The following IFT140 variants were observed in gnomAD, a reference collection of about 807,000 sequenced individuals.
The protein encoded by IFT140 is intraflagellar transport 140, also known as intraflagellar transport protein 140 homolog.
Under a neutral mutation model 164.6 loss-of-function variants are expected in IFT140, and 133 were observed. The ratio of observed to expected loss-of-function variants is 0.81; its 90% confidence interval spans 0.70 to 0.93. The LOEUF (loss-of-function observed/expected upper bound fraction) is 0.93, where lower values mean the gene tolerates loss of function less well. IFT140 is among the 40% of genes least tolerant of loss of function. The pLI, the probability that IFT140 is intolerant of heterozygous loss-of-function variation, is 0.00. For missense variants in IFT140, 2,045 were observed against 1,972.3 expected (o/e 1.04, Z -0.70); for synonymous variants, 860 against 817.3 (o/e 1.05, Z -0.89).
chr16:1,558,243 C>T (rs1388554382), intron 18 of IFT140, 109 bp from the exon 19 acceptor site: 2 of 1,051,142 alleles, frequency 1.9e-6, no homozygotes, highest in Non-Finnish European at 1.4e-6. Flanking sequence ...AATCCCTCTG[C>T]AGACAGACAG....
At chr16:1,558,379 G>T (rs1656391157) in intron 18 of IFT140, among the ~76,000 whole-genome samples, 1 of 152,198 alleles carries the variant, frequency 6.6e-6, no homozygotes, top group Non-Finnish European at 1.5e-5. Flanking sequence ...GCAGGAATTT[G>T]TTTTTTAAAC....
At position 1,587,930 on chromosome 16, in the gene IFT140, C is replaced by T. The variant is rs776981733; in HGVS notation, c.902+3G>A. 3.1e-6 allele frequency: 5 copies of T among 1,607,860 alleles called. No homozygotes were observed. The highest frequency in any genetic ancestry group is 2.5e-6 in the Non-Finnish European group (3 of 1,176,852). On this transcript the variant is annotated splice_donor_region_variant and intron_variant, in intron 8 of 30. Transcript: ENST00000426508. The stretch of plus-strand genomic sequence containing the variant: ...AAGGGGCACTGGAAAGGCAGACTCT[C>T]ACCTGAGGGCAGCCTCCCCGACGGC...
At chr16:1,583,441 G>A (rs979558417) in intron 11 of IFT140, 55 bp from the exon 12 acceptor site, 2 of 1,440,112 alleles carry the variant, frequency 1.4e-6, no homozygotes, top group Non-Finnish European at 2.0e-6. Context: ...AGGTGCAACT[G>A]TACACCCCAC....
In IFT140 at chr16:1,602,354, G is replaced by T. The variant is rs1334020580; in HGVS notation, c.369+16C>A. The stretch of plus-strand genomic sequence containing the variant: ...GGTCAAGGTCTGAAAACAGCGTCTT[G>T]CGCGTGTTGACTCACCCTGTCCCCA... On this transcript the variant is annotated intron_variant, in intron 4 of 30. Coordinates refer to ENST00000426508, the MANE Select transcript of IFT140 (RefSeq NM_014714.4). The T allele has an allele frequency of 6.2e-7, 1 of 1,608,288 alleles. No homozygotes were observed.
chr16:1,518,483 G>A, intron 29 of IFT140, 126 bp from the exon 30 acceptor site: 6 of 870,756 alleles, frequency 6.9e-6, no homozygotes, highest in Non-Finnish European at 1.0e-5. Context: ...TTTCTATGAA[G>A]TTAAATTCAT....
intron 12 of IFT140, among the ~76,000 whole-genome samples, chr16:1,581,060 G>C (rs1326918652): frequency 6.6e-6 from 1 of 152,184 alleles, no homozygotes; most frequent in Non-Finnish European, 1.5e-5. Context: ...CAGTGCGTGC[G>C]GGTCCTGGGC....
At chr16:1,605,800 T>C (rs1469644565) in intron 3 of IFT140, among the ~76,000 whole-genome samples, 1 of 151,990 alleles carries the variant, frequency 6.6e-6, no homozygotes. Flanking sequence ...AGGGGGTGAA[T>C]TGTGTCCCCA....
intron 1 of IFT140, among the ~76,000 whole-genome samples, 172 bp from the exon 2 acceptor site, chr16:1,611,025 C>A (rs2036302440): frequency 6.6e-6 from 1 of 152,240 alleles, no homozygotes; most frequent in African/African-American, 2.4e-5. Flanking sequence ...CTTTCCAGCA[C>A]GCGGCGGTCT....
At position 1,564,527 on chromosome 16, in the gene IFT140, C is replaced by T. The variant is rs923227533; in HGVS notation, c.1902-365G>A. On this transcript the variant is annotated intron_variant, in intron 16 of 30. Transcript: ENST00000426508. This position sits in a 1 kb window ranked among gnomAD's most constrained non-coding sequence, Gnocchi z 5.5. ...GATGGCACCCCCTGCTGGGCGGGGT[C>T]GAGGCTTTGGCTCTGTGGTCATGCC... 5.3e-5 allele frequency among the ~76,000 whole-genome samples: 8 copies of T among 152,148 alleles called. No homozygotes were observed. Among genetic ancestry groups the T allele is most frequent in the South Asian group, 2.1e-4 (1 of 4,828 alleles).
intron 15 of IFT140, among the ~76,000 whole-genome samples, chr16:1,567,039 C>T (rs2033755903): frequency 6.6e-6 from 1 of 152,176 alleles, no homozygotes; most frequent in South Asian, 2.1e-4. Flanking sequence ...AGGCACCTGC[C>T]CTTCTGCTCA....
chr16:1,546,498 C>G (rs575562222), intron 19 of IFT140, among the ~76,000 whole-genome samples: 1 of 152,330 alleles, frequency 6.6e-6, no homozygotes, highest in East Asian at 1.9e-4. Flanking sequence ...ACAGATGTGC[C>G]CTCGTCAGCA....
At chr16:1,569,235 CT>C (rs1199644165) in intron 14 of IFT140, among the ~76,000 whole-genome samples, 1 of 152,186 alleles carries the variant, frequency 6.6e-6, no homozygotes, top group Admixed American at 6.5e-5. Context: ...TCTCGATCTC[CT>C]TGACCTCGTG....
At chr16:1,581,839 G>A (rs2034588590) in intron 12 of IFT140, among the ~76,000 whole-genome samples, 1 of 148,108 alleles carries the variant, frequency 6.8e-6, no homozygotes, top group African/African-American at 2.5e-5. Flanking sequence ...GAGAGGGGAT[G>A]TGAAGTGTCG....
At chr16:1,555,002 T>C in intron 19 of IFT140, 1 of 1,612,888 alleles carries the variant, frequency 6.2e-7, no homozygotes, top group Non-Finnish European at 8.5e-7. Flanking sequence ...GGCTGGACAA[T>C]GACTACGTGG....
At chr16:1,567,953 G>T (rs1231208455) in intron 15 of IFT140, among the ~76,000 whole-genome samples, 1 of 152,220 alleles carries the variant, frequency 6.6e-6, no homozygotes, top group Non-Finnish European at 1.5e-5. Flanking sequence ...CTGTTTCGAT[G>T]AAGGAGGACT....
intron 15 of IFT140, among the ~76,000 whole-genome samples, chr16:1,566,851 C>T (rs972689741): frequency 6.6e-6 from 1 of 152,108 alleles, no homozygotes; most frequent in Non-Finnish European, 1.5e-5. Context: ...TCCCAGTGGC[C>T]CCACCTCCCT....
At chr16:1,607,047 C>G (rs1567435027) in intron 3 of IFT140, 73 bp downstream of exon 3, 1 of 1,491,634 alleles carries the variant, frequency 6.7e-7, no homozygotes, top group African/African-American at 1.4e-5. Flanking sequence ...TGCACACACA[C>G]AAGGACAACA....
chr16:1,571,962 G>A (rs572605749), intron 13 of IFT140, among the ~76,000 whole-genome samples: 6 of 152,206 alleles, frequency 3.9e-5, no homozygotes, highest in African/African-American at 1.4e-4. Context: ...TGGAGGCCCT[G>A]TCATGTGAAA....
chr16:1,560,979 C>A (rs1214551753), intron 18 of IFT140, among the ~76,000 whole-genome samples: 1 of 152,216 alleles, frequency 6.6e-6, no homozygotes, highest in African/African-American at 2.4e-5. Context: ...CTGGTGGCAT[C>A]CTAGGTCCCG....
Sources: allele counts gnomAD v4.1 joint callset (sites outside exome capture counted in the v4.1 genomes callset), GRCh38; gene constraint gnomAD v4.1.1; non-coding constraint Gnocchi (gnomAD v3.1); transcripts MANE v1.5; gene names NCBI Gene and HGNC (gene_info 2026-07-23, HGNC 2026-07-21).